The following RPAP1 variants were observed in gnomAD, a reference collection of about 807,000 sequenced individuals.
RPAP1 encodes RNA polymerase II associated protein 1.
In RPAP1, 109 loss-of-function variants were observed where a neutral mutation model predicts 142.4. The ratio of observed to expected loss-of-function variants is 0.77; its 90% confidence interval spans 0.66 to 0.90. The LOEUF is 0.90. Among genes scored for constraint, RPAP1 ranks in the 40% least tolerant of loss-of-function variants. RPAP1 has a pLI of 0.00. For missense variants in RPAP1, 1,546 were observed against 1,751.7 expected (o/e 0.88, Z 2.10); for synonymous variants, 704 against 738.9 (o/e 0.95, Z 0.77).
At position 41,523,216 on chromosome 15, in the gene RPAP1, T is replaced by A. The variant is rs1473145392; in HGVS notation, c.2546+29A>T. ...GGAAAGAAATTGCCTCCTCCCCTGC[T>A]TCCCCCAGCTACCAAACACAGTACA... On this transcript the variant is annotated intron_variant, in intron 18 of 24. Transcript: ENST00000304330. 12 of 1,437,762 alleles carry A rather than the reference T, an allele frequency of 8.3e-6. No individual in the cohort carries two copies. The East Asian group carries it at 2.9e-4, about 34-fold the overall frequency. The allele number at this position is 1,437,762 out of a possible 1,614,324, so 89.1% of individuals were successfully genotyped here. A position where few individuals can be genotyped will look rare whatever the true frequency, so the allele number is the denominator to read the frequency against.
intron 22 of RPAP1, 29 bp from the exon 23 acceptor site, chr15:41,518,211 G>T (rs1298565413): frequency 2.6e-6 from 4 of 1,539,222 alleles, no homozygotes; most frequent in Non-Finnish European, 3.5e-6. Context: ...CGTGCTGAGG[G>T]GGAGGGTAGG....
chr15:41,522,719 C>T, intron 19 of RPAP1, 46 bp downstream of exon 19: 3 of 1,419,374 alleles, frequency 2.1e-6, no homozygotes, highest in Non-Finnish European at 2.9e-6. Flanking sequence ...TGATTCCTGC[C>T]ATCTTGGCCC....
intron 3 of RPAP1, 61 bp downstream of exon 3, chr15:41,536,440 A>G (rs1389811523): frequency 1.9e-6 from 3 of 1,592,526 alleles, no homozygotes; most frequent in African/African-American, 2.7e-5. Flanking sequence ...ACCCACCCCG[A>G]GCATCCAATA....
Position 41,535,497 on chromosome 15 carries a change from T to G in RPAP1, c.541+15A>C, listed in dbSNP as rs780092736. 6.9e-6 allele frequency: 11 copies of G among 1,593,038 alleles called. No homozygotes were observed. Among genetic ancestry groups the G allele is most frequent in the Non-Finnish European group, 9.4e-6 (11 of 1,174,100 alleles). ...TTAAAAAGGCCAAGCCCAATCCTCT[T>G]CAACCCCGGCTCACCCTCTGGTGGG... On this transcript the variant is annotated intron_variant, in intron 5 of 24. Transcript: ENST00000304330.
In RPAP1 at chr15:41,522,951, GGA is replaced by G; in HGVS notation, c.2554_2555del (p.Ser852ProfsTer13). 2.6e-6 allele frequency: 4 copies of G among 1,538,506 alleles called. No homozygotes were observed. The highest frequency in any genetic ancestry group is 3.5e-6 in the Non-Finnish European group (4 of 1,152,424). On this transcript the variant is annotated frameshift_variant, in exon 19 of 25. Coordinates refer to ENST00000304330, the MANE Select transcript of RPAP1 (RefSeq NM_015540.4). LOFTEE classifies it high-confidence loss of function. ...GSLWDSLRHC[S>X]LLCNPLSCVP... ...CACAGGACAGCGGGTTGCAGAGAAG[GGA>G]GCAGTGCCTGTAGGTGAAGTGGAGA... is the stretch of plus-strand genomic sequence containing the variant.
Position 41,535,488 on chromosome 15 carries a change from C to T in RPAP1, c.541+24G>A. The stretch of plus-strand genomic sequence containing the variant: ...TTGTGTCTTTTAAAAAGGCCAAGCC[C>T]AATCCTCTTCAACCCCGGCTCACCC... On this transcript the variant is annotated intron_variant, in intron 5 of 24. Coordinates refer to ENST00000304330, the MANE Select transcript of RPAP1 (RefSeq NM_015540.4). 1.9e-6 allele frequency: 3 copies of T among 1,586,792 alleles called. No homozygotes were observed. The South Asian group carries it at 3.5e-5, about 18-fold the overall frequency.
At chr15:41,540,070 G>A (rs2140792306) in intron 1 of RPAP1, among the ~76,000 whole-genome samples, 1 of 152,160 alleles carries the variant, frequency 6.6e-6, no homozygotes, top group South Asian at 2.1e-4. Flanking sequence ...GATGACTTCT[G>A]TGGTATATAA....
Position 41,517,530 on chromosome 15 carries a change from A to AT in RPAP1, c.*11dup. 2 of 1,533,702 alleles carry AT rather than the reference A, an allele frequency of 1.3e-6. No individual in the cohort carries two copies. The highest frequency in any genetic ancestry group is 1.8e-6 in the Non-Finnish European group (2 of 1,140,452). On this transcript the variant is annotated 3_prime_UTR_variant, in exon 25 of 25. Coordinates refer to ENST00000304330, the MANE Select transcript of RPAP1 (RefSeq NM_015540.4). The stretch of plus-strand genomic sequence containing the variant: ...GGACAACGTACCCATCTTTCCATCT[A>AT]TATCAACTATCCTAGGTCTCTGATA...
At chr15:41,538,243 A>G (rs1392977187) in intron 1 of RPAP1, among the ~76,000 whole-genome samples, 1 of 152,196 alleles carries the variant, frequency 6.6e-6, no homozygotes, top group Non-Finnish European at 1.5e-5. Context: ...ACTCTGTCAA[A>G]AAAACAAAAC....
chr15:41,521,079 A>C lies in RPAP1; in HGVS notation c.3107T>G (p.Val1036Gly). ...SDQLSLGSSR[V>G]PRCGQGTLLA... ...CAGAGTCCCTTGCCCACACCGAGGG[A>C]CCCTGCTGCTTCCTAACGACAGCTG... Residue 1036 changes from valine (V) to glycine (G), a missense_variant, in exon 22 of 25, where the codon GTC (valine) becomes GGC (glycine). Val to Gly is a moderately radical substitution (Grantham distance 109). Coordinates refer to ENST00000304330, the MANE Select transcript of RPAP1 (RefSeq NM_015540.4). 1 of 1,536,014 alleles carries C rather than the reference A, an allele frequency of 6.5e-7. No homozygotes were observed. The highest frequency in any genetic ancestry group is 1.3e-5 in the South Asian group (1 of 77,850).
At chr15:41,532,765 G>A (rs991048431) in intron 6 of RPAP1, among the ~76,000 whole-genome samples, 8 of 152,032 alleles carry the variant, frequency 5.3e-5, no homozygotes, top group African/African-American at 1.7e-4. Context: ...GTCGCTGGAG[G>A]TCAGGAGTTC....
chr15:41,536,194 C>T lies in RPAP1; in HGVS notation c.355G>A (p.Val119Met), dbSNP rs143671800. The stretch of plus-strand genomic sequence containing the variant: ...ACACCACTGGGCACAGGCAGATTCA[C>T]GGCCACTGAACTTGTATCTCGTTCC... ...IIERDTSSVA[V>M]NLPVPSGVAF... The change falls in exon 4 of 25, where the codon GTG (valine) becomes ATG (methionine). Residue 119 changes from valine (V) to methionine (M), a missense_variant. Around this residue, in one of 3 missense-constraint regions of RPAP1, gnomAD observed 1,333 missense variants for 1,486.6 expected, o/e 0.90. Transcript: ENST00000304330. 3.3e-5 allele frequency: 53 copies of T among 1,613,968 alleles called. No homozygotes were observed. In the African/African-American group the frequency reaches 4.5e-4, roughly 14 times the overall value.
In RPAP1 at chr15:41,521,019, C is replaced by T. The variant is rs1391454891; in HGVS notation, c.3167G>A (p.Arg1056His). ...CGAGCAATGAGTCAGGTAGCAGTTG[C>T]GGATGCTGGGGAGGTCCTGGCAGGC... ...AQACQDLPSIRNCYLTHCSPA... is the reference protein window; with the variant it reads ...AQACQDLPSIHNCYLTHCSPA... Residue 1056 changes from arginine to histidine, a missense_variant, in exon 22 of 25, where the codon CGC (arginine) becomes CAC (histidine). By Grantham distance (29) the Arg-to-His change is conservative. Around this residue, in one of 3 missense-constraint regions of RPAP1, gnomAD observed 1,333 missense variants for 1,486.6 expected, o/e 0.90. Transcript: ENST00000304330. 13 of 1,602,898 alleles carry T rather than the reference C, an allele frequency of 8.1e-6. No homozygotes were observed. The highest frequency in any genetic ancestry group is 2.2e-5 in the East Asian group (1 of 44,864).
intron 6 of RPAP1, among the ~76,000 whole-genome samples, chr15:41,531,623 ATATATTTTTTTTTTTTTTTTTTT>A (rs1891782096): frequency 2.8e-5 from 1 of 35,408 alleles, no homozygotes; most frequent in African/African-American, 1.1e-4. Context: ...ATATATATAT[ATATATTTTTTTTTTTTTTTTTTT>A]TTTTTTTTTT....
intron 8 of RPAP1, 93 bp downstream of exon 8, chr15:41,529,771 G>T: frequency 1.1e-6 from 1 of 944,862 alleles, no homozygotes; most frequent in Non-Finnish European, 1.6e-6. Flanking sequence ...CAGGCTCTGG[G>T]CAATAGAAAG....
At chr15:41,523,413 G>T in intron 17 of RPAP1, 59 bp from the exon 18 acceptor site, 3 of 1,134,986 alleles carry the variant, frequency 2.6e-6, no homozygotes, top group Non-Finnish European at 3.8e-6. Flanking sequence ...CCTAGACCCT[G>T]TGTACCCAGG....
At position 41,518,078 on chromosome 15, in the gene RPAP1, CCAA is replaced by C; in HGVS notation, c.3897_3899del (p.Trp1300del). The stretch of plus-strand genomic sequence containing the variant: ...CAGCCACAGCATAGAGCACGGGGCA[CCAA>C]CGTGGGCGGAGCGCACCAGTAACCA... On this transcript the variant is annotated inframe_deletion, in exon 23 of 25. Coordinates refer to ENST00000304330, the MANE Select transcript of RPAP1 (RefSeq NM_015540.4). The C allele has an allele frequency of 6.2e-7, 1 of 1,611,610 alleles. No individual in the cohort carries two copies.
chr15:41,520,647 G>GC lies in RPAP1; in HGVS notation c.3538dup (p.Ala1180GlyfsTer30), dbSNP rs1411693671. The GC allele has an allele frequency of 6.2e-7, 1 of 1,614,198 alleles. No individual in the cohort carries two copies. The highest frequency in any genetic ancestry group is 1.7e-5 in the Admixed American group (1 of 60,032). On this transcript the variant is annotated frameshift_variant, in exon 22 of 25. Coordinates refer to ENST00000304330, the MANE Select transcript of RPAP1 (RefSeq NM_015540.4). LOFTEE classifies it high-confidence loss of function. ...CTGACAGAGCTGGGCGAGGAGGGCT[G>GC]CCACCAGATGCTGTACTGGGGACTC...
At chr15:41,533,076 G>C (rs1009532375) in intron 6 of RPAP1, among the ~76,000 whole-genome samples, 3 of 149,946 alleles carry the variant, frequency 2.0e-5, no homozygotes, top group South Asian at 4.2e-4. Context: ...TGTGTGACCT[G>C]GGTAGAATTT....
Sources: allele counts gnomAD v4.1 joint callset (sites outside exome capture counted in the v4.1 genomes callset), GRCh38; gene constraint gnomAD v4.1.1; regional missense constraint gnomAD v4.1.1; transcripts MANE v1.5; gene names NCBI Gene and HGNC (gene_info 2026-07-23, HGNC 2026-07-21).